OPCML: variants seen among roughly 807,000 people sequenced by gnomAD.
OPCML encodes opioid binding protein/cell adhesion molecule like.
In OPCML, 13 loss-of-function variants were observed where a neutral mutation model predicts 37.8. That is an observed-to-expected ratio of 0.34 (90% confidence interval 0.22 to 0.55). The LOEUF (loss-of-function observed/expected upper bound fraction) is 0.55. Among genes scored for constraint, OPCML ranks in the 20% least tolerant of loss-of-function variants. The probability of loss-of-function intolerance (pLI) is 0.91; values close to 1 mark genes in which losing one functional copy is unlikely to be tolerated. For missense variants in OPCML, 341 were observed against 435.6 expected, an observed-to-expected ratio of 0.78 and a Z score of 1.93; for synonymous variants, 176 against 168.8, an observed-to-expected ratio of 1.04 and a Z score of -0.33.
At chr11:133,520,072 C>G (rs930120030) in intron 1 of OPCML, among the ~76,000 whole-genome samples, 1 of 152,100 alleles carries the variant, frequency 6.6e-6, no homozygotes, top group East Asian at 1.9e-4. Context: ...AGGGTTAGAG[C>G]AGCTCTCCAC....
chr11:132,727,411 G>T (rs1440423140), intron 2 of OPCML, among the ~76,000 whole-genome samples: 1 of 152,150 alleles, frequency 6.6e-6, no homozygotes, highest in Non-Finnish European at 1.5e-5. Context: ...AAACAAACAG[G>T]CGTGGAGGCC....
rs1432731062 is a variant in OPCML at position 133,173,902 on chromosome 11, G to A, written c.62-230892C>T. On this transcript the variant is annotated intron_variant, in intron 1 of 7. Coordinates refer to ENST00000524381, the MANE Select transcript of OPCML (RefSeq NM_001012393.5). The surrounding 1 kb of genome is among the most constrained non-coding windows in gnomAD (Gnocchi z 7.8). ...ACTCTGAGGGCTGGAATGAAGATTG[G>A]ACCGGGGCCGGCCGGCACTGGAGCA... 1.3e-5 allele frequency among the ~76,000 whole-genome samples: 2 copies of A among 152,126 alleles called. No homozygotes were observed. Among genetic ancestry groups the A allele is most frequent in the Non-Finnish European group, 2.9e-5 (2 of 68,026 alleles).
chr11:132,568,019 T>C lies in OPCML; in HGVS notation c.380-38833A>G, dbSNP rs1258635773. The stretch of plus-strand genomic sequence containing the variant: ...AATAGAAAGGGGTCCCTGGACCGAA[T>C]AGATCTGTGTGTGTGTGTGTGTGCG... On this transcript the variant is annotated intron_variant, in intron 3 of 7. Transcript: ENST00000524381. 2.0e-5 allele frequency among the ~76,000 whole-genome samples: 3 copies of C among 150,248 alleles called. No homozygotes were observed. The East Asian group carries it at 6.0e-4, about 30-fold the overall frequency.
rs569078448 is a variant in OPCML, at chr11:133,269,770, G to A, written c.61+262494C>T. ...TCTCTCTAACTAGGGAAGCATTATC[G>A]ATAAGATTACCTTTCTGTAAGAGCA... is the stretch of plus-strand genomic sequence containing the variant. On this transcript the variant is annotated intron_variant, in intron 1 of 7. Transcript: ENST00000524381. Among the ~76,000 whole-genome samples, 5 of 152,236 alleles carry A rather than the reference G, an allele frequency of 3.3e-5. No homozygotes were observed. In the South Asian group the frequency reaches 6.2e-4, roughly 19 times the overall value.
At chr11:132,640,508 A>G (rs1232395362) in intron 3 of OPCML, among the ~76,000 whole-genome samples, 1 of 152,174 alleles carries the variant, frequency 6.6e-6, no homozygotes, top group Non-Finnish European at 1.5e-5. Flanking sequence ...CCAACCAAAT[A>G]TTGTCATTTC....
chr11:133,100,000 A>G (rs1387438356), intron 1 of OPCML, among the ~76,000 whole-genome samples: 2 of 152,242 alleles, frequency 1.3e-5, no homozygotes, highest in Non-Finnish European at 2.9e-5. Flanking sequence ...ATAAATAGAA[A>G]GGAATTATGT....
intron 1 of OPCML, among the ~76,000 whole-genome samples, chr11:133,083,253 C>T (rs1206965795): frequency 6.6e-6 from 1 of 152,086 alleles, no homozygotes; most frequent in Non-Finnish European, 1.5e-5. Context: ...GCGGGAGCCG[C>T]GGGCTTTGCC....
chr11:132,850,563 A>C lies in OPCML; in HGVS notation c.146+92363T>G, dbSNP rs536275298. Among the ~76,000 whole-genome samples the C allele has an allele frequency of 2.6e-5, 4 of 151,898 alleles. No homozygotes were observed. In the East Asian group the frequency reaches 7.8e-4, roughly 29 times the overall value. On this transcript the variant is annotated intron_variant, in intron 2 of 7. Transcript: ENST00000524381. ...TGTGTGTGTTTACACTTTAGTTCAG[A>C]TTTAAAATCACTCATGTGTATAGTT...
chr11:132,448,493 G>A (rs1021430042), intron 4 of OPCML, among the ~76,000 whole-genome samples: 2 of 152,210 alleles, frequency 1.3e-5, no homozygotes, highest in Admixed American at 6.5e-5. Flanking sequence ...TGTGCACTGA[G>A]AGGAAAGGAT....
At position 133,348,823 on chromosome 11, in the gene OPCML, T is replaced by TA. The variant is rs369674212; in HGVS notation, c.61+183440dup. 6.4e-3 allele frequency among the ~76,000 whole-genome samples: 980 copies of TA among 152,274 alleles called. 6 individuals carry two copies. Among genetic ancestry groups the TA allele is most frequent in the African/African-American group, 0.022 (926 of 41,550 alleles). On this transcript the variant is annotated intron_variant, in intron 1 of 7. Transcript: ENST00000524381. Reference sequence around the variant, plus strand: ...ACAGACTTCATCGATATTTATACCGTAATTATGAAGCCCCTACCATGAGCA... The same window carrying TA: ...ACAGACTTCATCGATATTTATACCGTAAATTATGAAGCCCCTACCATGAGCA...
At chr11:133,125,634 GTATA>G (rs1055900875) in intron 1 of OPCML, among the ~76,000 whole-genome samples, 2 of 133,990 alleles carry the variant, frequency 1.5e-5, no homozygotes, top group Non-Finnish European at 3.2e-5. Flanking sequence ...CTAGTATATA[GTATA>G]TATACATGTG....
intron 2 of OPCML, among the ~76,000 whole-genome samples, chr11:132,825,252 A>G (rs1940231813): frequency 6.6e-6 from 1 of 152,164 alleles, no homozygotes; most frequent in African/African-American, 2.4e-5. Context: ...GGATGAATAC[A>G]TTACTTAGAG....
intron 4 of OPCML, among the ~76,000 whole-genome samples, chr11:132,479,838 C>A (rs1374583736): frequency 6.6e-6 from 1 of 152,152 alleles, no homozygotes; most frequent in Non-Finnish European, 1.5e-5. Context: ...AACTAACAAA[C>A]AGAAAGGACA....
intron 1 of OPCML, among the ~76,000 whole-genome samples, chr11:133,375,049 G>T (rs7933952): frequency 0.25 from 37,644 of 152,056 alleles, 6,724 homozygotes; most frequent in African/African-American, 0.51. Context: ...ATTTGTCTGG[G>T]TATCTCCTGC....
intron 3 of OPCML, among the ~76,000 whole-genome samples, chr11:132,649,920 C>T (rs972260802): frequency 5.4e-5 from 8 of 149,322 alleles, no homozygotes; most frequent in African/African-American, 7.6e-5. Context: ...CACACATACA[C>T]GCACTGTTAC....
At chr11:132,697,340 A>G (rs1943635824) in intron 2 of OPCML, among the ~76,000 whole-genome samples, 1 of 152,180 alleles carries the variant, frequency 6.6e-6, no homozygotes, top group Non-Finnish European at 1.5e-5. Context: ...ATACACTATT[A>G]TTAACTACAG....
chr11:132,454,340 G>A (rs988461486), intron 4 of OPCML, among the ~76,000 whole-genome samples: 4 of 152,188 alleles, frequency 2.6e-5, no homozygotes, highest in Admixed American at 1.3e-4. Flanking sequence ...TCCATTCCTG[G>A]GAGATAACTA....
chr11:132,871,213 TAA>T (rs61664798), intron 2 of OPCML, among the ~76,000 whole-genome samples: 44 of 143,986 alleles, frequency 3.1e-4, no homozygotes, highest in African/African-American at 3.3e-4. Flanking sequence ...TAACTTAATT[TAA>T]AAAAAAAAAA....
chr11:133,247,589 G>GTCTTTCTTTCTTTCTT (rs1267279445), intron 1 of OPCML, among the ~76,000 whole-genome samples: 1 of 23,340 alleles, frequency 4.3e-5, no homozygotes, highest in African/African-American at 2.2e-4. Flanking sequence ...TCTTTCATCT[G>GTCTTTCTTTCTTTCTT]TCTTTCTTTC....
Sources: gnomAD v4.1 joint callset for allele counts (sites outside exome capture counted in the v4.1 genomes callset) on GRCh38, gnomAD v4.1.1 for gene constraint, Gnocchi (gnomAD v3.1) non-coding constraint, MANE v1.5 for transcripts, NCBI Gene and HGNC (gene_info 2026-07-23, HGNC 2026-07-21) for gene names.